Variants in DCDC1 observed in about 807,000 individuals in gnomAD.
The protein encoded by DCDC1 is doublecortin domain-containing protein 1.
A neutral mutation model predicts 178.3 loss-of-function variants in DCDC1; 200 were observed. The ratio of observed to expected loss-of-function variants is 1.12; its 90% CI spans 1.00 to 1.26. DCDC1 has a LOEUF of 1.26. Ranked by LOEUF, DCDC1 falls within the 50% of genes most tolerant of loss-of-function variation. DCDC1 has a pLI of 0.00. For synonymous variants in DCDC1, 690 were observed against 604.8 expected (o/e 1.14, Z -2.07); for missense variants, 1,983 against 1,749.2 (o/e 1.13, Z -2.38).
At position 31,181,306 on chromosome 11, in the gene DCDC1, T is replaced by A. The variant is rs543739484; in HGVS notation, c.1222-43522A>T. Among the ~76,000 whole-genome samples the A allele has an allele frequency of 7.2e-5, 11 of 152,294 alleles. No homozygotes were observed. The East Asian group carries it at 2.1e-3, about 29-fold the overall frequency. On this transcript the variant is annotated intron_variant, in intron 9 of 38. Coordinates refer to ENST00000684477, the MANE Select transcript of DCDC1 (RefSeq NM_001387274.1). Reference sequence around the variant, plus strand: ...GGTACAGCTTCAGCCAACTTAAACATTCCTGCCTACCAGCTCTGAAGAGAG... The same window carrying A: ...GGTACAGCTTCAGCCAACTTAAACAATCCTGCCTACCAGCTCTGAAGAGAG...
chr11:31,276,474 AT>A (rs34838169), intron 7 of DCDC1, among the ~76,000 whole-genome samples: 42 of 148,820 alleles, frequency 2.8e-4, no homozygotes, highest in East Asian at 1.2e-3. Flanking sequence ...TTTTTATAGA[AT>A]TTTTTTTTTT....
In DCDC1 at chr11:30,881,200, C is replaced by T. The variant is rs377373372; in HGVS notation, c.5191G>A (p.Val1731Ile). The T allele has an allele frequency of 5.0e-6, 8 of 1,613,420 alleles. No homozygotes were observed. In the East Asian group the frequency reaches 1.8e-4, roughly 36 times the overall value. ...QSWDDIERDM[V>I]ICVSMGHGFK... The stretch of plus-strand genomic sequence containing the variant: ...CCATGTCCCATAGACACACAGATGA[C>T]CATATCTCGCTCTATGTCGTCCCAG... The change falls in exon 37 of 39, where the codon GTC becomes ATC. Residue 1731 changes from valine to isoleucine, a missense_variant. Physicochemically the swap from Val to Ile is conservative, Grantham distance 29 (BLOSUM62 3). Transcript: ENST00000684477.
At chr11:31,167,964 T>C (rs1328133810) in intron 9 of DCDC1, among the ~76,000 whole-genome samples, 2 of 152,204 alleles carry the variant, frequency 1.3e-5, no homozygotes, top group Admixed American at 6.5e-5. Flanking sequence ...CTTCAGTCCC[T>C]TCACAGCTTT....
chr11:30,922,191 C>T (rs528760072), intron 24 of DCDC1, among the ~76,000 whole-genome samples: 7 of 152,234 alleles, frequency 4.6e-5, no homozygotes, highest in African/African-American at 1.7e-4. Context: ...TGAAAGCTCT[C>T]CCTAAAGGGA....
rs541061962 is a variant in DCDC1, at chr11:31,342,076, A to G, written c.-124-6512T>C. 9.8e-5 allele frequency among the ~76,000 whole-genome samples: 15 copies of G among 152,304 alleles called. No homozygotes were observed. The South Asian group carries it at 2.9e-3, about 29-fold the overall frequency. On this transcript the variant is annotated intron_variant, in intron 1 of 38. Coordinates refer to ENST00000684477, the MANE Select transcript of DCDC1 (RefSeq NM_001387274.1). ...ATAGTACCAGCAGCACCAACAGACA[A>G]ACTAACTGACATTAAGGGTCATTCT... is the stretch of plus-strand genomic sequence containing the variant.
chr11:30,945,771 T>G (rs1387833920), intron 21 of DCDC1, among the ~76,000 whole-genome samples: 5 of 151,896 alleles, frequency 3.3e-5, no homozygotes, highest in African/African-American at 2.4e-5. Context: ...TATCTATCTA[T>G]AGATAGATAT....
At chr11:31,076,707 G>C (rs1046530683) in intron 18 of DCDC1, among the ~76,000 whole-genome samples, 1 of 152,120 alleles carries the variant, frequency 6.6e-6, no homozygotes, top group African/African-American at 2.4e-5. Context: ...TTTATGTTTG[G>C]ATTTCTGTAT....
At chr11:31,222,691 G>A (rs1041308788) in intron 9 of DCDC1, among the ~76,000 whole-genome samples, 1 of 152,098 alleles carries the variant, frequency 6.6e-6, no homozygotes. Flanking sequence ...AGTCTCTGAG[G>A]GCTCTCTTCT....
chr11:31,255,776 C>A (rs755085849), intron 8 of DCDC1, among the ~76,000 whole-genome samples: 1 of 152,070 alleles, frequency 6.6e-6, no homozygotes, highest in African/African-American at 2.4e-5. Context: ...TATGGTTTGT[C>A]TTTTCACTTT....
At chr11:31,358,349 A>G (rs1394752452) in intron 1 of DCDC1, among the ~76,000 whole-genome samples, 5 of 152,170 alleles carry the variant, frequency 3.3e-5, no homozygotes, top group African/African-American at 1.2e-4. Context: ...AGGATTCCCT[A>G]TTTAATAAAT....
intron 27 of DCDC1, among the ~76,000 whole-genome samples, chr11:30,913,107 C>T (rs992213433): frequency 6.6e-6 from 1 of 152,182 alleles, no homozygotes; most frequent in African/African-American, 2.4e-5. Flanking sequence ...ATCATGCCCA[C>T]ACCTAATCAA....
At chr11:30,892,619 G>A (rs1014723592) in intron 36 of DCDC1, among the ~76,000 whole-genome samples, 199 bp downstream of exon 36, 1 of 152,160 alleles carries the variant, frequency 6.6e-6, no homozygotes, top group Non-Finnish European at 1.5e-5. Flanking sequence ...ATCTATGTCA[G>A]ACAGCATTGA....
At chr11:31,114,397 G>GT (rs1056927706) in intron 11 of DCDC1, among the ~76,000 whole-genome samples, 5 of 152,158 alleles carry the variant, frequency 3.3e-5, no homozygotes, top group Non-Finnish European at 7.4e-5. Context: ...TGCACCCTGT[G>GT]TAGGTTAGAA....
chr11:30,906,813 A>T (rs1195318841), intron 29 of DCDC1, 88 bp from the exon 30 acceptor site: 1 of 1,156,430 alleles, frequency 8.6e-7, no homozygotes, highest in East Asian at 2.6e-5. Context: ...TAAATATAGC[A>T]CTTTTAACAC....
At chr11:31,247,670 T>G (rs1943667733) in intron 8 of DCDC1, among the ~76,000 whole-genome samples, 1 of 152,174 alleles carries the variant, frequency 6.6e-6, no homozygotes, top group South Asian at 2.1e-4. Context: ...CTCTTTCTAC[T>G]TCCACCACCA....
intron 20 of DCDC1, among the ~76,000 whole-genome samples, chr11:30,996,777 A>G (rs1951297164): frequency 6.6e-6 from 1 of 152,184 alleles, no homozygotes; most frequent in Non-Finnish European, 1.5e-5. Flanking sequence ...ACTCAGTCTC[A>G]GGTATTTTGT....
At chr11:31,004,927 C>T (rs1302399474) in intron 20 of DCDC1, among the ~76,000 whole-genome samples, 1 of 152,000 alleles carries the variant, frequency 6.6e-6, no homozygotes, top group African/African-American at 2.4e-5. Context: ...TGTATGATTG[C>T]TACTTTTCTA....
intron 37 of DCDC1, among the ~76,000 whole-genome samples, chr11:30,879,204 A>C (rs1347803852): frequency 2.6e-5 from 4 of 152,202 alleles, no homozygotes; most frequent in Admixed American, 1.3e-4. Flanking sequence ...AATGCATAAA[A>C]TAAGTTATCA....
At chr11:31,355,659 C>T (rs1228511631) in intron 1 of DCDC1, among the ~76,000 whole-genome samples, 1 of 152,052 alleles carries the variant, frequency 6.6e-6, no homozygotes, top group African/African-American at 2.4e-5. Context: ...TCTCTGCCTC[C>T]CAGGTTCAAG....
Sources: allele counts gnomAD v4.1 joint callset (sites outside exome capture counted in the v4.1 genomes callset), GRCh38; gene constraint gnomAD v4.1.1; transcripts MANE v1.5; gene names NCBI Gene and HGNC (gene_info 2026-07-23, HGNC 2026-07-21).